The following PDZD2 variants were observed in gnomAD, a reference collection of about 807,000 sequenced individuals.
The protein encoded by PDZD2 is PDZ domain containing 2.
A neutral mutation model predicts 220.7 loss-of-function variants in PDZD2; 90 were observed. The ratio of observed to expected loss-of-function variants is 0.41; its 90% CI spans 0.34 to 0.49. PDZD2 has a LOEUF of 0.49. Ranked by LOEUF, PDZD2 falls within the 20% of genes least tolerant of loss-of-function variation. The pLI, the probability that PDZD2 is intolerant of heterozygous loss-of-function variation, is 0.28. For synonymous variants in PDZD2, 1,375 were observed against 1,450.5 expected (o/e 0.95, Z 1.18); for missense variants, 3,174 against 3,608.5 (o/e 0.88, Z 3.08).
intron 2 of PDZD2, among the ~76,000 whole-genome samples, chr5:31,819,275 A>G (rs1755665547): frequency 6.6e-6 from 1 of 152,192 alleles, no homozygotes; most frequent in African/African-American, 2.4e-5. Context: ...TAACAGCTGT[A>G]TAGTATCCCA....
chr5:32,097,982 G>A (rs1422219882), intron 22 of PDZD2, among the ~76,000 whole-genome samples: 3 of 152,184 alleles, frequency 2.0e-5, no homozygotes, highest in Non-Finnish European at 4.4e-5. Flanking sequence ...GACCCGGCAC[G>A]GTGGCTCACG....
chr5:31,891,487 G>A lies in PDZD2; in HGVS notation c.477-91668G>A, dbSNP rs142496391. On this transcript the variant is annotated intron_variant, in intron 2 of 24. Coordinates refer to ENST00000438447, the MANE Select transcript of PDZD2 (RefSeq NM_178140.4). ...TGTGCCACCACGCCCAGCTAATTTT[G>A]TATTTTTAGTAGAGACGAGGTTTCT... Among the ~76,000 whole-genome samples, 1,058 of 152,076 alleles carry A rather than the reference G, an allele frequency of 7.0e-3. 11 individuals carry two copies. Among genetic ancestry groups the A allele is most frequent in the African/African-American group, 0.024 (1,007 of 41,498 alleles).
intron 2 of PDZD2, among the ~76,000 whole-genome samples, chr5:31,857,013 C>T (rs1449962142): frequency 6.6e-6 from 1 of 151,802 alleles, no homozygotes; most frequent in Non-Finnish European, 1.5e-5. Flanking sequence ...TACCAACTTC[C>T]AGTTCTTTGT....
chr5:31,960,689 T>C (rs1293035846), intron 2 of PDZD2, among the ~76,000 whole-genome samples: 1 of 152,170 alleles, frequency 6.6e-6, no homozygotes. Context: ...TATCCACATC[T>C]ACCCCCAAAG....
intron 1 of PDZD2, among the ~76,000 whole-genome samples, chr5:31,764,546 G>A (rs1017576762): frequency 6.6e-6 from 1 of 152,110 alleles, no homozygotes; most frequent in African/African-American, 2.4e-5. Context: ...TCTTCTTTAG[G>A]AGTGTTCGGG....
chr5:31,724,413 C>T (rs1309658563), intron 1 of PDZD2, among the ~76,000 whole-genome samples: 2 of 152,006 alleles, frequency 1.3e-5, no homozygotes, highest in African/African-American at 2.4e-5. Flanking sequence ...GACCAGCTGA[C>T]CAACATGGAG....
intron 2 of PDZD2, among the ~76,000 whole-genome samples, chr5:31,814,943 G>A (rs139857546): frequency 7.2e-5 from 11 of 152,074 alleles, no homozygotes; most frequent in South Asian, 4.2e-4. Flanking sequence ...AGCAGGCTTC[G>A]GAGAGAATAG....
chr5:31,878,662 G>T (rs1414419137), intron 2 of PDZD2, among the ~76,000 whole-genome samples: 3 of 137,308 alleles, frequency 2.2e-5, no homozygotes, highest in Non-Finnish European at 4.6e-5. Context: ...CGGGGTTCAC[G>T]CCATTCTCCT....
rs1232406615 is a variant in PDZD2, at chr5:32,110,325, TGCTA to T, written c.*2191_*2194del. ...GACCTCTGGCTTACCACATACACTA[TGCTA>T]AAGTCATCAGCCACTGCTACTACAT... is the stretch of plus-strand genomic sequence containing the variant. On this transcript the variant is annotated 3_prime_UTR_variant, in exon 25 of 25. Transcript: ENST00000438447. 1.3e-5 allele frequency: 2 copies of T among 152,648 alleles called. No individual in the cohort carries two copies. The highest frequency in any genetic ancestry group is 2.9e-5 in the Non-Finnish European group (2 of 68,040). The allele number at this position is 152,648 out of a possible 1,614,324, so 9.5% of individuals were successfully genotyped here.
At chr5:31,704,677 T>C (rs762883592) in intron 1 of PDZD2, among the ~76,000 whole-genome samples, 6 of 152,198 alleles carry the variant, frequency 3.9e-5, no homozygotes, top group Non-Finnish European at 7.3e-5. Flanking sequence ...TTTTTCCCCA[T>C]GCTAAATGAT....
intron 1 of PDZD2, among the ~76,000 whole-genome samples, chr5:31,768,640 CAAAA>C (rs35950291): frequency 2.4e-5 from 3 of 126,050 alleles, no homozygotes; most frequent in African/African-American, 8.8e-5. Flanking sequence ...GACTCTGTCT[CAAAA>C]AAAAAAAAAA....
chr5:31,904,638 C>T (rs986190438), intron 2 of PDZD2, among the ~76,000 whole-genome samples: 4 of 152,098 alleles, frequency 2.6e-5, no homozygotes, highest in Non-Finnish European at 4.4e-5. Flanking sequence ...CACCATTCTC[C>T]TCCCTCAGCC....
chr5:31,702,523 G>C (rs1242127694), intron 1 of PDZD2, among the ~76,000 whole-genome samples: 1 of 152,176 alleles, frequency 6.6e-6, no homozygotes, highest in Non-Finnish European at 1.5e-5. Context: ...CCAGACCTCA[G>C]GTTCCACTTT....
chr5:31,910,814 G>A (rs1743133969), intron 2 of PDZD2, among the ~76,000 whole-genome samples: 1 of 152,068 alleles, frequency 6.6e-6, no homozygotes, highest in South Asian at 2.1e-4. Context: ...ACAGGCATGA[G>A]CCACCACGCC....
chr5:32,089,855 T>C lies in PDZD2; in HGVS notation c.6407T>C (p.Val2136Ala), dbSNP rs756731943. 2.5e-6 allele frequency: 4 copies of C among 1,613,056 alleles called. No individual in the cohort carries two copies. The East Asian group carries it at 8.9e-5, about 36-fold the overall frequency. ...EKSEIRLYRQ[V>A]AESSTSHPSS... ...AGTGAAATCAGGCTCTATCGCCAGG[T>C]CGCAGAATCATCCACAAGTCATCCA... The change falls in exon 20 of 25, where the codon GTC becomes GCC. Residue 2136 changes from valine to alanine, a missense_variant. By Grantham distance (64) the Val-to-Ala change is moderately conservative (BLOSUM62 0). This residue lies in a region of PDZD2 where 1,861 missense variants were observed against 2,001.0 expected (regional missense o/e 0.93). Transcript: ENST00000438447.
chr5:31,980,526 A>T (rs959309143), intron 2 of PDZD2, among the ~76,000 whole-genome samples: 1 of 152,238 alleles, frequency 6.6e-6, no homozygotes, highest in Non-Finnish European at 1.5e-5. Flanking sequence ...GGACTTGGGC[A>T]TCCCACTCTC....
intron 23 of PDZD2, chr5:32,099,195 C>G (rs764149292): frequency 1.6e-4 from 25 of 153,260 alleles, no homozygotes; most frequent in Non-Finnish European, 2.6e-4. Flanking sequence ...CTCAGAACCA[C>G]GTGCAGCGTC....
intron 2 of PDZD2, among the ~76,000 whole-genome samples, chr5:31,869,535 G>T (rs1025353919): frequency 2.0e-5 from 3 of 151,970 alleles, no homozygotes; most frequent in Non-Finnish European, 4.4e-5. Context: ...CTGCACTCCA[G>T]CCTGGGCGAC....
intron 2 of PDZD2, among the ~76,000 whole-genome samples, chr5:31,978,655 C>CA (rs1236677437): frequency 4.4e-4 from 63 of 142,154 alleles, no homozygotes; most frequent in South Asian, 8.7e-4. Context: ...GCGGAGTTGG[C>CA]AGTGAGCCAA....
Sources: gnomAD v4.1 joint callset for allele counts (sites outside exome capture counted in the v4.1 genomes callset) on GRCh38, gnomAD v4.1.1 for gene constraint, gnomAD v4.1.1 regional missense constraint, MANE v1.5 for transcripts, NCBI Gene and HGNC (gene_info 2026-07-23, HGNC 2026-07-21) for gene names.